ANO10: variants seen among roughly 807,000 people sequenced by gnomAD.
The protein encoded by ANO10 is anoctamin-10.
In ANO10, 77 loss-of-function variants were observed where a neutral mutation model predicts 74.7. The ratio of observed to expected loss-of-function variants is 1.03; its 90% CI spans 0.86 to 1.25. ANO10 has a LOEUF of 1.25. Ranked by LOEUF, ANO10 falls within the 50% of genes most tolerant of loss-of-function variation. The probability of loss-of-function intolerance (pLI) is 0.00; values close to 1 mark genes in which losing one functional copy is unlikely to be tolerated. For synonymous variants in ANO10, 279 were observed against 284.9 expected (o/e 0.98, Z 0.21); for missense variants, 721 against 778.1 (o/e 0.93, Z 0.87).
At chr3:43,378,107 C>T (rs1034799440) in intron 12 of ANO10, among the ~76,000 whole-genome samples, 1 of 152,192 alleles carries the variant, frequency 6.6e-6, no homozygotes, top group Non-Finnish European at 1.5e-5. Context: ...AGGAGACAGT[C>T]CACTGCCCAC....
chr3:43,591,267 G>A (rs891441443), intron 4 of ANO10, among the ~76,000 whole-genome samples: 22 of 152,278 alleles, frequency 1.4e-4, no homozygotes, highest in East Asian at 3.9e-4. Context: ...TGTCCGCTGC[G>A]CTTCTGGTCC....
chr3:43,436,173 A>G (rs912243834), intron 11 of ANO10, among the ~76,000 whole-genome samples: 2 of 152,092 alleles, frequency 1.3e-5, no homozygotes, highest in Admixed American at 1.3e-4. Context: ...TATTATTTAC[A>G]TTTTCCATAC....
intron 1 of ANO10, chr3:43,690,702 C>G (rs1350034031): frequency 2.6e-6 from 1 of 390,918 alleles, no homozygotes; most frequent in Admixed American, 4.6e-5. Flanking sequence ...AAACACCTAA[C>G]TCATTCGGGT....
chr3:43,654,327 T>A (rs2083822534), intron 1 of ANO10, among the ~76,000 whole-genome samples: 1 of 152,208 alleles, frequency 6.6e-6, no homozygotes, highest in African/African-American at 2.4e-5. Flanking sequence ...TGGGTCTCCT[T>A]TTCCGACCCC....
intron 6 of ANO10, among the ~76,000 whole-genome samples, chr3:43,575,806 T>C (rs984092544): frequency 2.0e-5 from 3 of 152,052 alleles, no homozygotes; most frequent in African/African-American, 7.2e-5. Flanking sequence ...CCCAGCTAAA[T>C]TTTTTTATTT....
At chr3:43,453,524 A>G (rs993012335) in intron 11 of ANO10, among the ~76,000 whole-genome samples, 1 of 152,172 alleles carries the variant, frequency 6.6e-6, no homozygotes, top group African/African-American at 2.4e-5. Context: ...GTCATATCTA[A>G]GAACCACTGT....
chr3:43,432,944 C>CTTTTTTTTTT lies in ANO10; in HGVS notation c.1798-227_1798-218dup, dbSNP rs5848663. Among the ~76,000 whole-genome samples, 178 of 55,282 alleles carry CTTTTTTTTTT rather than the reference C, an allele frequency of 3.2e-3. 32 individuals are homozygous for CTTTTTTTTTT. The highest frequency in any genetic ancestry group is 3.5e-3 in the Non-Finnish European group (104 of 30,052). 36.3% of individuals were successfully genotyped at this position (55,282 alleles called of 152,430 possible). Reference sequence around the variant, plus strand: ...CAGTAATTACTGACTTTGCTTAATTCTTTTTTTTTTTTTTTTTTTTTTTTT... The same window carrying CTTTTTTTTTT: ...CAGTAATTACTGACTTTGCTTAATTCTTTTTTTTTTTTTTTTTTTTTTTTTTTTTTTTTTT... On this transcript the variant is annotated intron_variant, in intron 11 of 12. Coordinates refer to ENST00000292246, the MANE Select transcript of ANO10 (RefSeq NM_018075.5).
At chr3:43,428,091 T>A (rs1277505338) in intron 12 of ANO10, among the ~76,000 whole-genome samples, 1 of 151,586 alleles carries the variant, frequency 6.6e-6, no homozygotes, top group Non-Finnish European at 1.5e-5. Context: ...ACTCTGTCAC[T>A]CAGCCTGGAG....
chr3:43,615,571 C>T (rs1408482811), intron 1 of ANO10, among the ~76,000 whole-genome samples: 1 of 151,852 alleles, frequency 6.6e-6, no homozygotes, highest in Admixed American at 6.6e-5. Context: ...AGTATAGAAG[C>T]CTCACATTTT....
intron 1 of ANO10, among the ~76,000 whole-genome samples, chr3:43,677,696 A>G (rs999916346): frequency 5.3e-5 from 8 of 152,206 alleles, no homozygotes; most frequent in Non-Finnish European, 1.2e-4. Context: ...CTTCACTCAT[A>G]AGTCTGGTGC....
upstream of ANO10, among the ~76,000 whole-genome samples, chr3:43,623,165 C>T (rs1416350258): frequency 1.3e-5 from 2 of 152,158 alleles, no homozygotes; most frequent in Non-Finnish European, 1.5e-5. Context: ...CGCGCCCTGC[C>T]GGCTTTAAGT....
chr3:43,597,218 T>A (rs2082130432), intron 4 of ANO10, among the ~76,000 whole-genome samples: 1 of 152,170 alleles, frequency 6.6e-6, no homozygotes, highest in Non-Finnish European at 1.5e-5. Context: ...TCCTCAAGGA[T>A]CTAGAACTAG....
intron 7 of ANO10, among the ~76,000 whole-genome samples, chr3:43,571,129 A>T (rs972615405): frequency 6.7e-6 from 1 of 150,298 alleles, no homozygotes; most frequent in African/African-American, 2.4e-5. Context: ...TCAAAACCAC[A>T]ATGAGATACC....
intron 12 of ANO10, chr3:43,372,932 C>T (rs926175791): frequency 4.6e-5 from 61 of 1,317,924 alleles, no homozygotes; most frequent in Non-Finnish European, 5.6e-5. Flanking sequence ...TTTTTTCATG[C>T]GTATGAAAGA....
At chr3:43,530,182 A>T (rs61304871) in intron 11 of ANO10, among the ~76,000 whole-genome samples, 5,187 of 152,114 alleles carry the variant, frequency 0.034, 284 homozygotes, top group African/African-American at 0.12. Context: ...CAAAGATCAC[A>T]ATTAAAAATG....
chr3:43,497,887 G>C (rs1312551774), intron 11 of ANO10, among the ~76,000 whole-genome samples: 1 of 152,166 alleles, frequency 6.6e-6, no homozygotes, highest in Non-Finnish European at 1.5e-5. Flanking sequence ...GGAAAAGCCA[G>C]TACAAATTGA....
intron 11 of ANO10, among the ~76,000 whole-genome samples, chr3:43,459,813 A>G (rs1287107799): frequency 2.6e-5 from 4 of 152,340 alleles, no homozygotes; most frequent in African/African-American, 9.6e-5. Context: ...CACTTCCACC[A>G]TCATGGTGGA....
intron 12 of ANO10, chr3:43,372,829 C>T: frequency 6.5e-7 from 1 of 1,535,232 alleles, no homozygotes; most frequent in Non-Finnish European, 8.7e-7. Flanking sequence ...GGAAGAGAGA[C>T]CAGCTTGCAG....
At chr3:43,601,743 C>A (rs1344526099) in intron 2 of ANO10, among the ~76,000 whole-genome samples, 1 of 152,078 alleles carries the variant, frequency 6.6e-6, no homozygotes, top group Non-Finnish European at 1.5e-5. Flanking sequence ...GATCCTTAAC[C>A]TCACTCATAT....
Sources: gnomAD v4.1 joint callset for allele counts (sites outside exome capture counted in the v4.1 genomes callset) on GRCh38, gnomAD v4.1.1 for gene constraint, MANE v1.5 for transcripts, NCBI Gene and HGNC (gene_info 2026-07-23, HGNC 2026-07-21) for gene names.